The following CNTNAP5 variants were observed in gnomAD, a reference collection of about 807,000 sequenced individuals.
The protein encoded by CNTNAP5 is contactin-associated protein-like 5.
CNTNAP5 carries 72 observed loss-of-function variants against 150.2 expected under a neutral mutation model. The ratio of observed to expected loss-of-function variants is 0.48; its 90% confidence interval spans 0.40 to 0.58. The LOEUF is 0.58. Ranked by LOEUF, CNTNAP5 falls within the 20% of genes least tolerant of loss-of-function variation. The pLI is 0.00. For missense variants in CNTNAP5, 1,636 were observed against 1,626.2 expected (o/e 1.01, Z -0.10); for synonymous variants, 672 against 619.8 (o/e 1.08, Z -1.25).
At position 124,701,837 on chromosome 2, in the gene CNTNAP5, A is replaced by G. The variant is rs184233294; in HGVS notation, c.2078-45392A>G. Among the ~76,000 whole-genome samples the G allele has an allele frequency of 2.8e-4, 42 of 151,814 alleles. No individual in the cohort carries two copies. In the East Asian group the frequency reaches 7.7e-3, roughly 28 times the overall value. ...CTTTGGTGAAGAAATGTCTATTTAC[A>G]TGTTTTTGCCCATATTTTAATTGAG... On this transcript the variant is annotated intron_variant, in intron 13 of 23. Coordinates refer to ENST00000682447, the MANE Select transcript of CNTNAP5 (RefSeq NM_001367498.1).
intron 10 of CNTNAP5, among the ~76,000 whole-genome samples, chr2:124,547,083 C>T (rs182651716): frequency 4.6e-5 from 7 of 152,210 alleles, no homozygotes; most frequent in South Asian, 2.1e-4. Flanking sequence ...CCCCCACCCC[C>T]GACCAAAACC....
chr2:124,463,539 G>A (rs201200531), intron 6 of CNTNAP5, among the ~76,000 whole-genome samples: 2 of 152,160 alleles, frequency 1.3e-5, no homozygotes, highest in East Asian at 1.9e-4. Flanking sequence ...GAAAACATGC[G>A]TGGCGTCTGC....
chr2:124,779,123 G>A (rs1681393397), intron 17 of CNTNAP5, among the ~76,000 whole-genome samples: 1 of 152,200 alleles, frequency 6.6e-6, no homozygotes, highest in African/African-American at 2.4e-5. Context: ...GAGTGCTGTT[G>A]GTGGACAGTC....
chr2:124,747,228 G>T lies in CNTNAP5; in HGVS notation c.2078-1G>T. Reference sequence around the variant, plus strand: ...GACTGGTGGAATATCTTGTCTTCCAGATGGAACACCATTTACCTGGTGGAT... The same window carrying T: ...GACTGGTGGAATATCTTGTCTTCCATATGGAACACCATTTACCTGGTGGAT... On this transcript the variant is annotated splice_acceptor_variant, in intron 13 of 23. Transcript: ENST00000682447. LOFTEE classifies it high-confidence loss of function. 2.5e-6 allele frequency: 4 copies of T among 1,611,820 alleles called. No individual in the cohort carries two copies. The highest frequency in any genetic ancestry group is 3.4e-6 in the Non-Finnish European group (4 of 1,178,312).
chr2:124,513,399 C>T (rs560560602), intron 8 of CNTNAP5, among the ~76,000 whole-genome samples: 6 of 152,270 alleles, frequency 3.9e-5, no homozygotes, highest in African/African-American at 7.2e-5. Flanking sequence ...CTTTAACATA[C>T]GCATTTTGCA....
At chr2:124,585,840 G>A (rs548707837) in intron 11 of CNTNAP5, among the ~76,000 whole-genome samples, 30 of 152,096 alleles carry the variant, frequency 2.0e-4, no homozygotes, top group South Asian at 1.2e-3. Flanking sequence ...CTCATAAATA[G>A]CAAAGCCAGG....
intron 19 of CNTNAP5, among the ~76,000 whole-genome samples, chr2:124,798,682 GTCT>G (rs1037793605): frequency 6.6e-6 from 1 of 152,172 alleles, no homozygotes; most frequent in Non-Finnish European, 1.5e-5. Flanking sequence ...CTTTGCTTCA[GTCT>G]TCTTTACTGA....
chr2:124,573,517 A>G (rs936795555), intron 11 of CNTNAP5, among the ~76,000 whole-genome samples: 2 of 152,240 alleles, frequency 1.3e-5, no homozygotes, highest in Non-Finnish European at 2.9e-5. Context: ...AGATTCCAAA[A>G]TGTAAGTGAA....
chr2:124,508,154 G>A (rs959813148), intron 8 of CNTNAP5, among the ~76,000 whole-genome samples: 1 of 152,166 alleles, frequency 6.6e-6, no homozygotes, highest in African/African-American at 2.4e-5. Flanking sequence ...TGAACAAAGT[G>A]TTGAGTAGCT....
intron 3 of CNTNAP5, among the ~76,000 whole-genome samples, chr2:124,323,692 C>T (rs1022023265): frequency 6.6e-6 from 1 of 152,136 alleles, no homozygotes; most frequent in African/African-American, 2.4e-5. Context: ...CCTGCCAACC[C>T]CTGCCTCCTG....
intron 1 of CNTNAP5, among the ~76,000 whole-genome samples, chr2:124,040,720 T>A (rs1184463315): frequency 6.6e-6 from 1 of 151,828 alleles, no homozygotes; most frequent in Non-Finnish European, 1.5e-5. Flanking sequence ...TTTTAATATA[T>A]CAAACCACAA....
chr2:124,088,664 T>C (rs1446379975), intron 1 of CNTNAP5, among the ~76,000 whole-genome samples: 1 of 152,152 alleles, frequency 6.6e-6, no homozygotes, highest in Non-Finnish European at 1.5e-5. Flanking sequence ...AGCATTCTAT[T>C]CAGTCTCCAT....
intron 16 of CNTNAP5, among the ~76,000 whole-genome samples, chr2:124,767,691 A>T (rs2104605124): frequency 6.6e-6 from 1 of 152,266 alleles, no homozygotes; most frequent in Admixed American, 6.5e-5. Flanking sequence ...AATAACAGAA[A>T]ATTCAATCTG....
At chr2:124,435,301 C>T (rs1447220737) in intron 5 of CNTNAP5, among the ~76,000 whole-genome samples, 1 of 152,078 alleles carries the variant, frequency 6.6e-6, no homozygotes. Flanking sequence ...GGGCTGGCAT[C>T]CATCAGGGCC....
intron 22 of CNTNAP5, 86 bp from the exon 23 acceptor site, chr2:124,911,381 T>C: frequency 1.1e-6 from 1 of 905,020 alleles, no homozygotes; most frequent in South Asian, 1.4e-5. Flanking sequence ...AATGCACAGG[T>C]GTGTCATTCC....
chr2:124,135,427 G>A (rs1039973867), intron 1 of CNTNAP5, among the ~76,000 whole-genome samples: 6 of 152,154 alleles, frequency 3.9e-5, no homozygotes, highest in Admixed American at 6.5e-5. Flanking sequence ...GAAGATGTAA[G>A]CTTGTTTTCT....
At chr2:124,058,907 G>A (rs1681928691) in intron 1 of CNTNAP5, among the ~76,000 whole-genome samples, 2 of 152,088 alleles carry the variant, frequency 1.3e-5, no homozygotes, top group South Asian at 2.1e-4. Flanking sequence ...AATCTGCCAG[G>A]GATATTTAAT....
chr2:124,415,174 G>A (rs999080633), intron 3 of CNTNAP5, among the ~76,000 whole-genome samples: 15 of 152,174 alleles, frequency 9.9e-5, no homozygotes, highest in African/African-American at 1.4e-4. Flanking sequence ...GTCAAATAAA[G>A]CCATTCTCCA....
intron 3 of CNTNAP5, among the ~76,000 whole-genome samples, chr2:124,381,221 T>G (rs1282649366): frequency 6.6e-6 from 1 of 152,180 alleles, no homozygotes; most frequent in East Asian, 1.9e-4. Context: ...ACAAGTCATG[T>G]GGACCTGAGT....
Sources: allele counts gnomAD v4.1 joint callset (sites outside exome capture counted in the v4.1 genomes callset), GRCh38; gene constraint gnomAD v4.1.1; transcripts MANE v1.5; gene names NCBI Gene and HGNC (gene_info 2026-07-23, HGNC 2026-07-21).